The following TMEM87B variants were observed in gnomAD, a reference collection of about 807,000 sequenced individuals.
The protein encoded by TMEM87B is transmembrane protein 87B.
Under a neutral mutation model 80.3 loss-of-function variants are expected in TMEM87B, and 83 were observed. The ratio of observed to expected loss-of-function variants is 1.03; its 90% CI spans 0.87 to 1.24. TMEM87B has a LOEUF of 1.24. Ranked by LOEUF, TMEM87B falls within the 50% of genes most tolerant of loss-of-function variation. TMEM87B has a pLI of 0.00. For synonymous variants in TMEM87B, 219 were observed against 230.5 expected, an observed-to-expected ratio of 0.95 and a Z score of 0.45; for missense variants, 625 against 674.4, an observed-to-expected ratio of 0.93 and a Z score of 0.81.
At chr2:112,088,423 A>T (rs567974837) in intron 9 of TMEM87B, among the ~76,000 whole-genome samples, 1 of 152,272 alleles carries the variant, frequency 6.6e-6, no homozygotes, top group South Asian at 2.1e-4. Flanking sequence ...AGTTCTGGTT[A>T]TTTGGAGGTT....
chr2:112,089,244 A>T (rs757649501), intron 9 of TMEM87B, among the ~76,000 whole-genome samples: 12 of 152,254 alleles, frequency 7.9e-5, no homozygotes, highest in Non-Finnish European at 1.6e-4. Context: ...GACCTCAGGA[A>T]GAATTAAGTT....
intron 2 of TMEM87B, among the ~76,000 whole-genome samples, chr2:112,061,920 T>C (rs549767939): frequency 1.3e-5 from 2 of 152,330 alleles, no homozygotes; most frequent in African/African-American, 4.8e-5. Flanking sequence ...GGGCTGGCAG[T>C]TGTGGATATA....
At position 112,110,668 on chromosome 2, in the gene TMEM87B, G is replaced by C. The variant is rs1679885782; in HGVS notation, c.1578-2231G>C. On this transcript the variant is annotated intron_variant, in intron 17 of 18. Transcript: ENST00000283206. ...GTTTCTTTTATGGATGACGTTGATGGTATGGAGTAGGAGAGGTTGGTGTTG... is the reference window on the plus strand; with the variant it reads ...GTTTCTTTTATGGATGACGTTGATGCTATGGAGTAGGAGAGGTTGGTGTTG... Among the ~76,000 whole-genome samples the C allele has an allele frequency of 2.0e-5, 3 of 152,056 alleles. No individual in the cohort carries two copies. In the South Asian group the frequency reaches 6.2e-4, roughly 32 times the overall value.
At chr2:112,096,757 C>T (rs1049574177) in intron 11 of TMEM87B, among the ~76,000 whole-genome samples, 5 of 152,228 alleles carry the variant, frequency 3.3e-5, no homozygotes, top group Non-Finnish European at 4.4e-5. Context: ...TGCTCTATCC[C>T]GTGTTGCGGG....
intron 7 of TMEM87B, 44 bp downstream of exon 7, chr2:112,081,162 T>C (rs1340950489): frequency 6.3e-7 from 1 of 1,576,926 alleles, no homozygotes; most frequent in Admixed American, 1.7e-5. Context: ...AAATGAATTT[T>C]ATACCCTAAG....
intron 4 of TMEM87B, among the ~76,000 whole-genome samples, chr2:112,071,339 TCATC>T (rs1028349838): frequency 6.8e-5 from 8 of 117,686 alleles, no homozygotes; most frequent in Non-Finnish European, 1.4e-4. Flanking sequence ...GCCCACTCTG[TCATC>T]CAGGCTGGAG....
intron 18 of TMEM87B, among the ~76,000 whole-genome samples, chr2:112,113,153 G>C (rs7581849): frequency 6.6e-6 from 1 of 152,034 alleles, no homozygotes. Flanking sequence ...GAAATGAAGG[G>C]TTATTTTATG....
At chr2:112,064,388 T>C in intron 3 of TMEM87B, 135 bp downstream of exon 3, 1 of 714,580 alleles carries the variant, frequency 1.4e-6, no homozygotes, top group Non-Finnish European at 2.3e-6. Context: ...TTTTGGGACT[T>C]ATGGCAATAA....
chr2:112,057,470 C>T (rs1360360401), intron 1 of TMEM87B, among the ~76,000 whole-genome samples: 1 of 152,158 alleles, frequency 6.6e-6, no homozygotes, highest in Non-Finnish European at 1.5e-5. Context: ...AGATAGGGGT[C>T]TCACTATATT....
chr2:112,067,112 G>A (rs1678459162), intron 4 of TMEM87B, 45 bp downstream of exon 4: 1 of 1,594,344 alleles, frequency 6.3e-7, no homozygotes, highest in Non-Finnish European at 8.5e-7. Flanking sequence ...TATTCCCAGT[G>A]AATACAAGTA....
chr2:112,064,224 AC>A lies in TMEM87B; in HGVS notation c.291del (p.Cys98ValfsTer27). The A allele has an allele frequency of 1.9e-6, 3 of 1,613,824 alleles. No homozygotes were observed. Among genetic ancestry groups the A allele is most frequent in the Non-Finnish European group, 2.5e-6 (3 of 1,179,882 alleles). Reference protein sequence around the residue: ...FTIVWHLKYHTCHNEHSNLEE... With the variant: ...FTIVWHLKYHXCHNEHSNLEE... ...CATAGTGTGGCATTTGAAGTATCATACCTGTCACAATGAGCATTCTAATCTG... is the reference window on the plus strand; with the variant it reads ...CATAGTGTGGCATTTGAAGTATCATACTGTCACAATGAGCATTCTAATCTG... On this transcript the variant is annotated frameshift_variant, in exon 3 of 19. Coordinates refer to ENST00000283206, the MANE Select transcript of TMEM87B (RefSeq NM_032824.3). LOFTEE classifies it high-confidence loss of function.
At chr2:112,071,955 C>G (rs544675672) in intron 4 of TMEM87B, among the ~76,000 whole-genome samples, 6 of 152,218 alleles carry the variant, frequency 3.9e-5, no homozygotes, top group African/African-American at 1.4e-4. Flanking sequence ...GAGATCTGTT[C>G]CCTCAATACC....
Position 112,100,602 on chromosome 2 carries a change from A to T in TMEM87B, c.1377-20A>T, listed in dbSNP as rs1679602565. 6.5e-7 allele frequency: 1 copy of T among 1,546,156 alleles called. No homozygotes were observed. The highest frequency in any genetic ancestry group is 8.9e-7 in the Non-Finnish European group (1 of 1,123,820). On this transcript the variant is annotated intron_variant, in intron 14 of 18. Coordinates refer to ENST00000283206, the MANE Select transcript of TMEM87B (RefSeq NM_032824.3). ...CAAGTTTAAACATACTAGTAAAACT[A>T]CTCCTTGTTTTTGCTATAGATATGC...
intron 17 of TMEM87B, among the ~76,000 whole-genome samples, chr2:112,112,512 G>A (rs1205841500): frequency 1.3e-5 from 2 of 152,196 alleles, no homozygotes; most frequent in African/African-American, 4.8e-5. Flanking sequence ...GCTCTAAAAA[G>A]CCCATTTCCT....
intron 16 of TMEM87B, among the ~76,000 whole-genome samples, chr2:112,106,609 A>G (rs912245752): frequency 3.9e-5 from 6 of 152,038 alleles, no homozygotes. Context: ...ATAAAATTGT[A>G]AAACATTGGG....
At chr2:112,073,236 G>A (rs923842271) in intron 4 of TMEM87B, among the ~76,000 whole-genome samples, 7 of 152,078 alleles carry the variant, frequency 4.6e-5, no homozygotes, top group South Asian at 2.1e-4. Context: ...CACTGTGGGC[G>A]TTTAGTGCTG....
chr2:112,075,356 C>T (rs1031867281), intron 5 of TMEM87B, among the ~76,000 whole-genome samples: 3 of 152,238 alleles, frequency 2.0e-5, no homozygotes, highest in South Asian at 2.1e-4. Context: ...GCTGAAATTG[C>T]ACCACTAAAC....
At position 112,055,326 on chromosome 2, in the gene TMEM87B, C is replaced by T; in HGVS notation, c.-266C>T. ...CCTCCACGTCTCGCCGCCAACTCCA[C>T]ATCCTGGCTCCTATCTCTGCCTTCC... On this transcript the variant is annotated 5_prime_UTR_variant, in exon 1 of 19. Transcript: ENST00000283206. 1 of 487,476 alleles carries T rather than the reference C, an allele frequency of 2.1e-6. No homozygotes were observed. Among genetic ancestry groups the T allele is most frequent in the Non-Finnish European group, 3.6e-6 (1 of 278,656 alleles). The allele number at this position is 487,476 out of a possible 1,614,324, so 30.2% of individuals were successfully genotyped here.
intron 4 of TMEM87B, among the ~76,000 whole-genome samples, chr2:112,070,914 C>T (rs1014402757): frequency 4.0e-5 from 6 of 151,048 alleles, no homozygotes; most frequent in African/African-American, 7.3e-5. Context: ...CTCCACCTCC[C>T]GGGTTCATGC....
Sources: gnomAD v4.1 joint callset for allele counts (sites outside exome capture counted in the v4.1 genomes callset) on GRCh38, gnomAD v4.1.1 for gene constraint, MANE v1.5 for transcripts, NCBI Gene and HGNC (gene_info 2026-07-23, HGNC 2026-07-21) for gene names.